SLC10A7: variants seen among roughly 807,000 people sequenced by gnomAD.
SLC10A7 encodes solute carrier family 10 member 7.
Under a neutral mutation model 43.2 loss-of-function variants are expected in SLC10A7, and 29 were observed. That is an observed-to-expected ratio of 0.67 (90% confidence interval 0.50 to 0.92). The LOEUF (loss-of-function observed/expected upper bound fraction) is 0.92, where lower values mean the gene tolerates loss of function less well. Ranked by LOEUF, SLC10A7 falls within the 40% of genes least tolerant of loss-of-function variation. The pLI is 0.00. For missense variants in SLC10A7, 295 were observed against 403.2 expected (o/e 0.73, Z 2.30); for synonymous variants, 152 against 144.8 (o/e 1.05, Z -0.35).
At chr4:146,311,070 G>C (rs1404567391) in intron 6 of SLC10A7, among the ~76,000 whole-genome samples, 1 of 152,202 alleles carries the variant, frequency 6.6e-6, no homozygotes, top group African/African-American at 2.4e-5. Flanking sequence ...ACTAGTGCCA[G>C]GGTAGATGCA....
At chr4:146,481,753 C>T (rs924181545) in intron 4 of SLC10A7, among the ~76,000 whole-genome samples, 2 of 152,098 alleles carry the variant, frequency 1.3e-5, no homozygotes, top group Non-Finnish European at 2.9e-5. Flanking sequence ...TGCCTCAAGT[C>T]CCAGGTGCTA....
At chr4:146,301,684 A>T (rs1187347077) in intron 7 of SLC10A7, among the ~76,000 whole-genome samples, 5 of 152,144 alleles carry the variant, frequency 3.3e-5, no homozygotes. Context: ...TCTGAGGCAG[A>T]AACGGTAGGA....
chr4:146,374,663 T>C (rs2630275), intron 5 of SLC10A7, among the ~76,000 whole-genome samples: 4,064 of 84,102 alleles, frequency 0.048, 71 homozygotes, highest in African/African-American at 0.11. Context: ...CACACACACA[T>C]ATATATATAT....
chr4:146,290,986 C>T (rs73855134), intron 9 of SLC10A7, among the ~76,000 whole-genome samples: 3,212 of 152,234 alleles, frequency 0.021, 117 homozygotes, highest in African/African-American at 0.074. Flanking sequence ...CAGTCTACTC[C>T]GTGCCATAAA....
At chr4:146,442,927 A>T (rs1560911411) in intron 4 of SLC10A7, 106 bp from the exon 5 acceptor site, 2 of 812,980 alleles carry the variant, frequency 2.5e-6, no homozygotes, top group East Asian at 5.9e-5. Flanking sequence ...ACCTTAAAAC[A>T]TTGACTCTAT....
In SLC10A7 at chr4:146,397,519, G is replaced by A. The variant is rs185987223; in HGVS notation, c.435+45264C>T. ...TTGAAGAAACCATAACTATGTTCTG[G>A]TCTGCACGAGGGATAGTTTGCATAG... On this transcript the variant is annotated intron_variant, in intron 5 of 11. Coordinates refer to ENST00000335472, the MANE Select transcript of SLC10A7 (RefSeq NM_001029998.6). Among the ~76,000 whole-genome samples, 7 of 152,250 alleles carry A rather than the reference G, an allele frequency of 4.6e-5. No homozygotes were observed. In the East Asian group the frequency reaches 1.4e-3, roughly 29 times the overall value.
chr4:146,382,388 G>A (rs1442217322), intron 5 of SLC10A7, among the ~76,000 whole-genome samples: 1 of 152,100 alleles, frequency 6.6e-6, no homozygotes, highest in Non-Finnish European at 1.5e-5. Flanking sequence ...TACAATTACT[G>A]TTTCACCCAA....
At chr4:146,507,452 C>A (rs1362146143) in intron 3 of SLC10A7, among the ~76,000 whole-genome samples, 1 of 152,026 alleles carries the variant, frequency 6.6e-6, no homozygotes, top group African/African-American at 2.4e-5. Context: ...CCCAGCTACT[C>A]AGGAGGCTTG....
At chr4:146,381,225 T>G (rs1737595865) in intron 5 of SLC10A7, among the ~76,000 whole-genome samples, 2 of 152,166 alleles carry the variant, frequency 1.3e-5, no homozygotes, top group African/African-American at 2.4e-5. Context: ...AATAACAAAC[T>G]TTCATCAATA....
intron 5 of SLC10A7, among the ~76,000 whole-genome samples, chr4:146,341,001 A>C (rs1288455906): frequency 2.0e-5 from 3 of 151,878 alleles, no homozygotes; most frequent in African/African-American, 4.8e-5. Context: ...TTTAAAAAAA[A>C]ATCTATGCAC....
intron 5 of SLC10A7, among the ~76,000 whole-genome samples, chr4:146,432,165 A>G (rs555992879): frequency 3.9e-5 from 6 of 152,346 alleles, no homozygotes; most frequent in Admixed American, 2.0e-4. Flanking sequence ...GAGTAACTGG[A>G]CTACTTATAC....
intron 5 of SLC10A7, among the ~76,000 whole-genome samples, chr4:146,370,176 C>T (rs181215430): frequency 6.6e-6 from 1 of 152,140 alleles, no homozygotes; most frequent in Non-Finnish European, 1.5e-5. Context: ...TGTAGATTTA[C>T]AGTCACAAAA....
chr4:146,336,654 C>T (rs1211177935), intron 5 of SLC10A7, among the ~76,000 whole-genome samples: 1 of 152,020 alleles, frequency 6.6e-6, no homozygotes, highest in Non-Finnish European at 1.5e-5. Flanking sequence ...CTTGGACCTG[C>T]TTTCCTTTGT....
intron 9 of SLC10A7, among the ~76,000 whole-genome samples, chr4:146,288,943 C>T (rs1335111405): frequency 6.6e-6 from 1 of 152,066 alleles, no homozygotes; most frequent in Non-Finnish European, 1.5e-5. Context: ...TTTATTTTGC[C>T]TTCCTTTGCA....
At chr4:146,350,844 A>G (rs1735034306) in intron 5 of SLC10A7, among the ~76,000 whole-genome samples, 3 of 132,788 alleles carry the variant, frequency 2.3e-5, no homozygotes, top group African/African-American at 6.2e-5. Context: ...AGGAAAACTA[A>G]CAAACAGAAA....
intron 1 of SLC10A7, among the ~76,000 whole-genome samples, chr4:146,519,180 CATAATAT>C (rs1348710724): frequency 1.6e-5 from 2 of 124,504 alleles, no homozygotes; most frequent in African/African-American, 6.1e-5. Flanking sequence ...CAATAATGTA[CATAATAT>C]ATAATATACA....
At chr4:146,355,747 G>C (rs909519570) in intron 5 of SLC10A7, among the ~76,000 whole-genome samples, 7 of 150,806 alleles carry the variant, frequency 4.6e-5, no homozygotes, top group African/African-American at 1.7e-4. Context: ...TAGGGACATG[G>C]ATGAAATTGG....
intron 5 of SLC10A7, among the ~76,000 whole-genome samples, chr4:146,417,320 G>A (rs538015207): frequency 6.6e-5 from 10 of 152,306 alleles, no homozygotes; most frequent in African/African-American, 1.4e-4. Flanking sequence ...CATAACAGAC[G>A]TTGGTTTTTA....
At chr4:146,381,319 A>G (rs1737604951) in intron 5 of SLC10A7, among the ~76,000 whole-genome samples, 1 of 152,176 alleles carries the variant, frequency 6.6e-6, no homozygotes, top group Non-Finnish European at 1.5e-5. Flanking sequence ...TAGAGGAGCT[A>G]TGTGAACTTT....
Sources: gnomAD v4.1 joint callset for allele counts (sites outside exome capture counted in the v4.1 genomes callset) on GRCh38, gnomAD v4.1.1 for gene constraint, MANE v1.5 for transcripts, NCBI Gene and HGNC (gene_info 2026-07-23, HGNC 2026-07-21) for gene names.